ATP10B: variants seen among roughly 807,000 people sequenced by gnomAD.
The protein encoded by ATP10B is ATPase phospholipid transporting 10B (putative), also known as phospholipid-transporting ATPase VB.
In ATP10B, 122 loss-of-function variants were observed where a neutral mutation model predicts 141.2. The observed-to-expected ratio is 0.86, with a 90% CI of 0.75 to 1.00. The LOEUF is 1.00. Among genes scored for constraint, ATP10B ranks in the 50% least tolerant of loss-of-function variants. The pLI is 0.00. For synonymous variants in ATP10B, 685 were observed against 692.0 expected (o/e 0.99, Z 0.16); for missense variants, 1,876 against 1,825.3 (o/e 1.03, Z -0.51).
chr5:160,622,639 G>A, intron 13 of ATP10B, 54 bp from the exon 14 acceptor site: 1 of 1,500,480 alleles, frequency 6.7e-7, no homozygotes, highest in Non-Finnish European at 9.1e-7. Context: ...GCCCACTCCA[G>A]AAGAATCTTC....
At chr5:160,684,856 C>T (rs758050996) in intron 6 of ATP10B, 9 of 700,194 alleles carry the variant, frequency 1.3e-5, no homozygotes, top group South Asian at 4.5e-5. Flanking sequence ...GAGGCACTCT[C>T]GGTTATTGAT....
intron 8 of ATP10B, among the ~76,000 whole-genome samples, chr5:160,648,940 T>TC (rs1760496566): frequency 6.6e-6 from 1 of 150,882 alleles, no homozygotes; most frequent in Non-Finnish European, 1.5e-5. Context: ...TTTTTTTTTT[T>TC]TTTAACAACA....
chr5:160,923,049 G>T, the ATP10B span, among the ~76,000 whole-genome samples: 1 of 152,254 alleles, frequency 6.6e-6, no homozygotes, highest in Non-Finnish European at 1.5e-5. Flanking sequence ...ACTCATCGAT[G>T]AAGTGTCTTT....
the ATP10B span, among the ~76,000 whole-genome samples, chr5:160,874,038 T>A: frequency 6.6e-6 from 1 of 152,116 alleles, no homozygotes; most frequent in Non-Finnish European, 1.5e-5. Flanking sequence ...CCACCACAGC[T>A]CAAGGAGGCC....
intron 6 of ATP10B, among the ~76,000 whole-genome samples, chr5:160,682,723 G>C (rs1763483150): frequency 6.6e-6 from 1 of 152,086 alleles, no homozygotes; most frequent in African/African-American, 2.4e-5. Context: ...AAAAGTGACG[G>C]TGGATTGGTG....
At chr5:160,817,857 C>T (rs1773777197) in intron 1 of ATP10B, among the ~76,000 whole-genome samples, 1 of 152,138 alleles carries the variant, frequency 6.6e-6, no homozygotes, top group South Asian at 2.1e-4. Context: ...TATCTACAGC[C>T]ATCTGATCTT....
the ATP10B span, among the ~76,000 whole-genome samples, chr5:160,916,497 C>T: frequency 3.3e-5 from 5 of 152,136 alleles, no homozygotes; most frequent in Non-Finnish European, 7.4e-5. Flanking sequence ...TTTAATAATG[C>T]TAAGCAATGA....
chr5:160,679,646 C>G (rs1370611011), intron 6 of ATP10B, among the ~76,000 whole-genome samples: 1 of 152,174 alleles, frequency 6.6e-6, no homozygotes. Context: ...TCCTCGTGAC[C>G]CCTAGACTGA....
intron 1 of ATP10B, among the ~76,000 whole-genome samples, chr5:160,787,105 GACACACACACACAC>G (rs58517660): frequency 0.015 from 2,030 of 133,658 alleles, 35 homozygotes; most frequent in African/African-American, 0.043. Context: ...TTTTGACACA[GACACACACACACAC>G]ACACACACAC....
At chr5:160,840,088 C>T (rs1271624928) in intron 1 of ATP10B, among the ~76,000 whole-genome samples, 4 of 151,952 alleles carry the variant, frequency 2.6e-5, no homozygotes, top group Non-Finnish European at 4.4e-5. Context: ...TGCAAAAGTA[C>T]ATTTGAAAGT....
intron 1 of ATP10B, among the ~76,000 whole-genome samples, chr5:160,797,365 C>T (rs1455729777): frequency 1.3e-5 from 2 of 152,212 alleles, no homozygotes; most frequent in Non-Finnish European, 2.9e-5. Context: ...TTTATCCCCA[C>T]CTGTGTTCCT....
intron 18 of ATP10B, among the ~76,000 whole-genome samples, chr5:160,607,823 T>A (rs1757481486): frequency 1.3e-5 from 2 of 152,226 alleles, no homozygotes; most frequent in South Asian, 4.1e-4. Context: ...TCCATTACTT[T>A]TGATTATATC....
chr5:160,887,319 T>C, the ATP10B span, among the ~76,000 whole-genome samples: 1 of 152,342 alleles, frequency 6.6e-6, no homozygotes, highest in South Asian at 2.1e-4. Flanking sequence ...GTAAATGTTA[T>C]ATAAATAGTT....
chr5:160,775,774 G>A (rs570174932), intron 2 of ATP10B, among the ~76,000 whole-genome samples: 1 of 147,296 alleles, frequency 6.8e-6, no homozygotes, highest in African/African-American at 2.5e-5. Flanking sequence ...TCCGCCTCCT[G>A]GGTTCACGCC....
chr5:160,767,937 A>G (rs1769597177), intron 2 of ATP10B, among the ~76,000 whole-genome samples: 1 of 152,106 alleles, frequency 6.6e-6, no homozygotes, highest in Non-Finnish European at 1.5e-5. Context: ...ATTTATTGGA[A>G]GTAAACTTTT....
At chr5:160,741,023 A>G (rs756382625) in intron 2 of ATP10B, among the ~76,000 whole-genome samples, 7 of 152,208 alleles carry the variant, frequency 4.6e-5, no homozygotes, top group Non-Finnish European at 1.0e-4. Context: ...GCTATTCAGT[A>G]TACAAGAATA....
chr5:160,866,870 C>T, the ATP10B span, among the ~76,000 whole-genome samples: 2 of 151,892 alleles, frequency 1.3e-5, no homozygotes, highest in Non-Finnish European at 2.9e-5. Flanking sequence ...ACCTGTACCC[C>T]CCAAACTGTT....
At chr5:160,612,046 C>T (rs1243272197) in intron 18 of ATP10B, 2 of 152,226 alleles carry the variant, frequency 1.3e-5, no homozygotes, top group Non-Finnish European at 2.9e-5. Context: ...TCAGCTTTCC[C>T]AGTCTTCTCT....
intron 23 of ATP10B, 87 bp downstream of exon 23, chr5:160,590,971 GA>G: frequency 8.8e-7 from 1 of 1,133,416 alleles, no homozygotes; most frequent in Admixed American, 2.1e-5. Flanking sequence ...AAAGTGTCCA[GA>G]AGGACACTAC....
Sources: gnomAD v4.1 joint callset for allele counts (sites outside exome capture counted in the v4.1 genomes callset) on GRCh38, gnomAD v4.1.1 for gene constraint, MANE v1.5 for transcripts, NCBI Gene and HGNC (gene_info 2026-07-23, HGNC 2026-07-21) for gene names.